Variants in ZMYM4 observed in about 807,000 individuals in gnomAD.
ZMYM4 encodes the protein zinc finger MYM-type containing 4.
A neutral mutation model predicts 183.2 loss-of-function variants in ZMYM4; 31 were observed. The observed-to-expected ratio is 0.17, with a 90% CI of 0.13 to 0.23. The LOEUF is 0.23. Among genes scored for constraint, ZMYM4 ranks in the 10% least tolerant of loss-of-function variants. The pLI, the probability that ZMYM4 is intolerant of heterozygous loss-of-function variation, is 1.00. For missense variants in ZMYM4, 1,273 were observed against 1,840.3 expected (o/e 0.69, Z 5.64); for synonymous variants, 592 against 631.2 (o/e 0.94, Z 0.93).
intron 2 of ZMYM4, among the ~76,000 whole-genome samples, chr1:35,347,726 T>C (rs1643451130): frequency 6.6e-6 from 1 of 152,116 alleles, no homozygotes; most frequent in African/African-American, 2.4e-5. Flanking sequence ...TAGGAATGCT[T>C]ATGGGCCTAA....
intron 7 of ZMYM4, among the ~76,000 whole-genome samples, chr1:35,379,564 C>T (rs537739078): frequency 1.2e-4 from 18 of 152,360 alleles, no homozygotes; most frequent in African/African-American, 4.3e-4. Context: ...TCATTCCTGT[C>T]TTCACTGGAG....
chr1:35,286,594 A>AT (rs35510573), intron 1 of ZMYM4, among the ~76,000 whole-genome samples: 1,945 of 117,536 alleles, frequency 0.017, 48 homozygotes, highest in African/African-American at 0.05. Context: ...CTGTCTGCCT[A>AT]TTTTTTTTTT....
chr1:35,392,676 A>T lies in ZMYM4; in HGVS notation c.2758A>T (p.Ile920Phe), dbSNP rs759861045. The T allele has an allele frequency of 6.3e-7, 1 of 1,597,304 alleles. No homozygotes were observed. Among genetic ancestry groups the T allele is most frequent in the Non-Finnish European group, 8.5e-7 (1 of 1,175,066 alleles). ...AGTTCCAACAGTAACAGCGAAAATCATCGGTGATGTAAGTTTTATTACTTT... is the reference window on the plus strand; with the variant it reads ...AGTTCCAACAGTAACAGCGAAAATCTTCGGTGATGTAAGTTTTATTACTTT... Reference protein sequence around the residue: ...GAVPTVTAKIIGDASTQTDAL... With the variant: ...GAVPTVTAKIFGDASTQTDAL... The change falls in exon 17 of 30, where the codon ATC becomes TTC. Residue 920 changes from isoleucine to phenylalanine, a missense_variant. Around this residue, in one of 6 missense-constraint regions of ZMYM4, gnomAD observed 290 missense variants for 353.3 expected, o/e 0.82. Coordinates refer to ENST00000314607, the MANE Select transcript of ZMYM4 (RefSeq NM_005095.3).
intron 5 of ZMYM4, among the ~76,000 whole-genome samples, chr1:35,363,645 A>G (rs1643998637): frequency 6.6e-6 from 1 of 152,208 alleles, no homozygotes; most frequent in Admixed American, 6.5e-5. Context: ...TTGGATGGAT[A>G]TGAGTATACT....
At chr1:35,288,898 C>T (rs547332725) in intron 1 of ZMYM4, among the ~76,000 whole-genome samples, 13 of 152,146 alleles carry the variant, frequency 8.5e-5, no homozygotes, top group Middle Eastern at 3.2e-3. Flanking sequence ...AGTCTCCTTC[C>T]TGCTCAGATT....
Position 35,359,188 on chromosome 1 carries a change from G to A in ZMYM4, c.349G>A (p.Val117Ile). 1 of 1,613,436 alleles carries A rather than the reference G, an allele frequency of 6.2e-7. No homozygotes were observed. Among genetic ancestry groups the A allele is most frequent in the South Asian group, 1.1e-5 (1 of 91,032 alleles). ...TDDSLEVERR[V>I]TQHESDNENE... ...TGATAGCTTGGAAGTAGAGAGAAGA[G>A]TCACACAGCATGAATCAGACAATGA... The change falls in exon 3 of 30, where the codon GTC becomes ATC. Residue 117 changes from valine (V) to isoleucine (I), a missense_variant. Val to Ile is a conservative substitution (Grantham distance 29, BLOSUM62 3). This residue lies in a region of ZMYM4 where 384 missense variants were observed against 465.6 expected (regional missense o/e 0.82). Transcript: ENST00000314607.
At chr1:35,310,798 G>A (rs186343963) in intron 1 of ZMYM4, among the ~76,000 whole-genome samples, 6 of 152,058 alleles carry the variant, frequency 3.9e-5, no homozygotes, top group East Asian at 1.9e-4. Flanking sequence ...GGTTGGTCTC[G>A]AGCTCCTGAC....
chr1:35,347,914 C>T (rs1405637138), intron 2 of ZMYM4, among the ~76,000 whole-genome samples: 2 of 152,094 alleles, frequency 1.3e-5, no homozygotes, highest in Admixed American at 6.5e-5. Context: ...GAAAATTTTA[C>T]TCAGTAAGAT....
intron 1 of ZMYM4, among the ~76,000 whole-genome samples, chr1:35,300,458 A>T (rs979490160): frequency 4.6e-5 from 7 of 152,182 alleles, no homozygotes; most frequent in Admixed American, 2.0e-4. Context: ...GTGAGTATAC[A>T]GTTTTCATAA....
chr1:35,327,954 C>T (rs1642574691), intron 2 of ZMYM4, among the ~76,000 whole-genome samples: 1 of 152,186 alleles, frequency 6.6e-6, no homozygotes, highest in Non-Finnish European at 1.5e-5. Flanking sequence ...TCTTGGAAGG[C>T]ATGCCTCTGT....
At chr1:35,303,674 A>T (rs1009353937) in intron 1 of ZMYM4, among the ~76,000 whole-genome samples, 1 of 152,084 alleles carries the variant, frequency 6.6e-6, no homozygotes, top group Admixed American at 6.5e-5. Flanking sequence ...CGCCCAGCCT[A>T]TATTGATCTT....
In ZMYM4 at chr1:35,397,530, A is replaced by C. The variant is rs781483641; in HGVS notation, c.3184A>C (p.Thr1062Pro). ...GATTGCAGAAGATGAAGAGAAGAAG[A>C]CTCTATCTCAGGGAGGTTGGTATAC... ...EMIAEDEEKK[T>P]LSQGESQTSE... is the part of the protein sequence containing the mutation. Residue 1062 changes from threonine to proline, a missense_variant, in exon 20 of 30, where the codon ACT (threonine) becomes CCT (proline). Thr to Pro is a conservative substitution (Grantham distance 38). Around this residue, in one of 6 missense-constraint regions of ZMYM4, gnomAD observed 290 missense variants for 353.3 expected, o/e 0.82. Coordinates refer to ENST00000314607, the MANE Select transcript of ZMYM4 (RefSeq NM_005095.3). 2 of 1,610,730 alleles carry C rather than the reference A, an allele frequency of 1.2e-6. No homozygotes were observed. Among genetic ancestry groups the C allele is most frequent in the East Asian group, 2.2e-5 (1 of 44,782 alleles).
At chr1:35,414,351 G>A (rs779744767) in intron 27 of ZMYM4, among the ~76,000 whole-genome samples, 1 of 152,154 alleles carries the variant, frequency 6.6e-6, no homozygotes, top group Non-Finnish European at 1.5e-5. Flanking sequence ...TGATCTGGTA[G>A]CATTGGTGTA....
chr1:35,286,410 C>T (rs1640482854), intron 1 of ZMYM4, among the ~76,000 whole-genome samples: 1 of 152,078 alleles, frequency 6.6e-6, no homozygotes, highest in Admixed American at 6.6e-5. Context: ...CTCATCTATA[C>T]ATACGCTACT....
At chr1:35,322,026 A>G (rs939533527) in intron 1 of ZMYM4, among the ~76,000 whole-genome samples, 8 of 151,834 alleles carry the variant, frequency 5.3e-5, no homozygotes, top group Admixed American at 5.3e-4. Context: ...CTGTGCAGCC[A>G]CTGGAAAGAA....
intron 23 of ZMYM4, chr1:35,404,807 C>T: frequency 2.4e-6 from 1 of 417,520 alleles, no homozygotes; most frequent in South Asian, 4.8e-5. Context: ...TTACAGTGTG[C>T]TCTTCTGCAT....
At chr1:35,321,998 GTATAA>G (rs1642302122) in intron 1 of ZMYM4, among the ~76,000 whole-genome samples, 1 of 151,078 alleles carries the variant, frequency 6.6e-6, no homozygotes, top group African/African-American at 2.4e-5. Flanking sequence ...ATGTTCATCA[GTATAA>G]TATAATAAGA....
intron 26 of ZMYM4, among the ~76,000 whole-genome samples, chr1:35,412,431 G>A (rs143626569): frequency 1.3e-4 from 20 of 152,154 alleles, no homozygotes; most frequent in East Asian, 9.6e-4. Flanking sequence ...TAGGATTCGC[G>A]GTACAGTGTT....
At chr1:35,378,751 A>T (rs1359641850) in intron 7 of ZMYM4, among the ~76,000 whole-genome samples, 2 of 152,170 alleles carry the variant, frequency 1.3e-5, no homozygotes, top group Non-Finnish European at 2.9e-5. Flanking sequence ...ATCGTTTTTC[A>T]ATAGAAGACT....
Sources: allele counts gnomAD v4.1 joint callset (sites outside exome capture counted in the v4.1 genomes callset), GRCh38; gene constraint gnomAD v4.1.1; regional missense constraint gnomAD v4.1.1; transcripts MANE v1.5; gene names NCBI Gene and HGNC (gene_info 2026-07-23, HGNC 2026-07-21).